Variants in HIVEP2 observed in about 807,000 individuals in gnomAD.
HIVEP2 encodes HIVEP zinc finger 2, also known as transcription factor HIVEP2.
HIVEP2 carries 14 observed loss-of-function variants against 180.7 expected under a neutral mutation model. The observed-to-expected ratio is 0.08, with a 90% CI of 0.05 to 0.12. HIVEP2 has a LOEUF of 0.12. Among genes scored for constraint, HIVEP2 ranks in the 10% least tolerant of loss-of-function variants. The pLI is 1.00. For missense variants in HIVEP2, 2,579 were observed against 3,008.5 expected (o/e 0.86, Z 3.34); for synonymous variants, 1,184 against 1,136.4 (o/e 1.04, Z -0.84).
chr6:142,763,395 G>C (rs993373134), intron 7 of HIVEP2, among the ~76,000 whole-genome samples: 1 of 152,190 alleles, frequency 6.6e-6, no homozygotes, highest in Non-Finnish European at 1.5e-5. Flanking sequence ...AAAACTGGCA[G>C]GGTTTCCCAG....
rs373421716 is a variant in HIVEP2 at position 142,771,305 on chromosome 6, G to C, written c.3434C>G (p.Pro1145Arg). 22 of 1,613,264 alleles carry C rather than the reference G, an allele frequency of 1.4e-5. No homozygotes were observed. The highest frequency in any genetic ancestry group is 1.6e-5 in the Non-Finnish European group (19 of 1,180,016). The change falls in exon 5 of 10, where the codon CCG becomes CGG. Residue 1145 changes from proline (P) to arginine (R), a missense_variant. Pro to Arg is a moderately radical substitution (Grantham distance 103, BLOSUM62 -2). Transcript: ENST00000367603. The surrounding 1 kb of genome is among the most constrained non-coding windows in gnomAD (Gnocchi z 5.4). ...PGKQVAGPCP[P>R]LSSGPLHLAQ... is the part of the protein sequence containing the mutation. Reference sequence around the variant, plus strand: ...CAGGTGCAGTGGCCCCGAGCTCAGCGGGGGACAAGGACCCGCCACCTGCTT... The same window carrying C: ...CAGGTGCAGTGGCCCCGAGCTCAGCCGGGGACAAGGACCCGCCACCTGCTT...
At chr6:142,887,497 A>G (rs929794900) in intron 1 of HIVEP2, among the ~76,000 whole-genome samples, 1 of 152,202 alleles carries the variant, frequency 6.6e-6, no homozygotes, top group Non-Finnish European at 1.5e-5. Context: ...GGATCCTCAG[A>G]TAATTTTAAA....
intron 2 of HIVEP2, among the ~76,000 whole-genome samples, chr6:142,806,342 C>A (rs190722771): frequency 6.6e-6 from 1 of 152,294 alleles, no homozygotes. Flanking sequence ...GGTATCCAGG[C>A]TGCTCTGCCT....
In HIVEP2 at chr6:142,768,388, T is replaced by G; in HGVS notation, c.5336A>C (p.Glu1779Ala). ...TTGCACTTTGTTTCCTTACCCTCCT[T>G]CAAATATTTTAATTCGGATTGGCTC... ...QTEPIRIKIF[E>A]GGYKSNEDYV... Residue 1779 changes from glutamate to alanine, a missense_variant, in exon 6 of 10, where the codon GAA becomes GCA. This residue lies in a region of HIVEP2 where 349 missense variants were observed against 367.2 expected (regional missense o/e 0.95). Transcript: ENST00000367603. The G allele has an allele frequency of 6.2e-7, 1 of 1,610,558 alleles. No individual in the cohort carries two copies. The highest frequency in any genetic ancestry group is 1.1e-5 in the South Asian group (1 of 90,592).
chr6:142,755,039 G>GT lies in HIVEP2; in HGVS notation c.6517-1109dup, dbSNP rs35220008. On this transcript the variant is annotated intron_variant, in intron 9 of 9. Transcript: ENST00000367603. ...AGATATAAACCCATACAGTATGGTA[G>GT]TAGTCCAGGATAGAGCCAAAGAAAC... Among the ~76,000 whole-genome samples, 1,112 of 152,288 alleles carry GT rather than the reference G, an allele frequency of 7.3e-3. 18 individuals are homozygous for GT. Among genetic ancestry groups the GT allele is most frequent in the African/African-American group, 0.026 (1,062 of 41,558 alleles).
chr6:142,794,499 G>A (rs491414), intron 2 of HIVEP2, among the ~76,000 whole-genome samples: 87,956 of 151,970 alleles, frequency 0.58, 26,869 homozygotes, highest in Non-Finnish European at 0.68. Context: ...AAGAGCTTTC[G>A]TAAATATAAC....
chr6:142,923,573 G>T (rs1418989558), intron 1 of HIVEP2, among the ~76,000 whole-genome samples: 1 of 152,042 alleles, frequency 6.6e-6, no homozygotes, highest in South Asian at 2.1e-4. Context: ...TGATATATTG[G>T]ATGGATCCCA....
intron 2 of HIVEP2, among the ~76,000 whole-genome samples, chr6:142,793,633 T>TTTCC (rs1776196671): frequency 2.6e-5 from 1 of 38,292 alleles, no homozygotes; most frequent in Non-Finnish European, 4.9e-5. Flanking sequence ...TCTTTCTTTC[T>TTTCC]TTCTTTCTTT....
In HIVEP2 at chr6:142,771,320, G is replaced by A. The variant is rs145294660; in HGVS notation, c.3419C>T (p.Ala1140Val). 38 of 1,613,160 alleles carry A rather than the reference G, an allele frequency of 2.4e-5. No individual in the cohort carries two copies. The highest frequency in any genetic ancestry group is 1.3e-4 in the African/African-American group (10 of 75,054). The change falls in exon 5 of 10, where the codon GCG becomes GTG. Residue 1140 changes from alanine to valine, a missense_variant. Physicochemically the swap from Ala to Val is moderately conservative, Grantham distance 64. Around this residue, in one of 11 missense-constraint regions of HIVEP2, gnomAD observed 523 missense variants for 577.0 expected, o/e 0.91. Transcript: ENST00000367603. This position sits in a 1 kb window ranked among gnomAD's most constrained non-coding sequence, Gnocchi z 5.4. ...CGAGCTCAGCGGGGGACAAGGACCC[G>A]CCACCTGCTTCCCTGGGTCCTCTTG... ...LQQEDPGKQVAGPCPPLSSGP... is the reference protein window; with the variant it reads ...LQQEDPGKQVVGPCPPLSSGP...
chr6:142,756,202 A>T (rs1192398571), intron 9 of HIVEP2, among the ~76,000 whole-genome samples: 1 of 152,196 alleles, frequency 6.6e-6, no homozygotes, highest in African/African-American at 2.4e-5. Context: ...TCTCTTCAAC[A>T]GTATGGCAGT....
At chr6:142,832,564 T>A (rs140438307) in intron 2 of HIVEP2, among the ~76,000 whole-genome samples, 1 of 152,136 alleles carries the variant, frequency 6.6e-6, no homozygotes, top group African/African-American at 2.4e-5. Context: ...ATAGATGAGG[T>A]AGAAAATGCG....
In HIVEP2 at chr6:142,771,913, C is replaced by T; in HGVS notation, c.2826G>A (p.Leu942=). The change falls in exon 5 of 10, where the codon CTG becomes CTA. Residue 942 remains leucine (L), a synonymous_variant. Coordinates refer to ENST00000367603, the MANE Select transcript of HIVEP2 (RefSeq NM_006734.4). This position sits in a 1 kb window ranked among gnomAD's most constrained non-coding sequence, Gnocchi z 5.4. ...AGGAGTGCTCCATATCTGCAAGTCG[C>T]AGACGCTTCTTTTTGGGTGGCAACT... ...AEKLPPKKKR[L]RLADMEHSSG... is the part of the protein sequence containing the mutation. The T allele has an allele frequency of 1.2e-6, 2 of 1,614,224 alleles. No homozygotes were observed. Among genetic ancestry groups the T allele is most frequent in the Non-Finnish European group, 1.7e-6 (2 of 1,180,046 alleles).
chr6:142,755,211 G>C (rs1285999486), intron 9 of HIVEP2, among the ~76,000 whole-genome samples: 1 of 152,138 alleles, frequency 6.6e-6, no homozygotes, highest in Non-Finnish European at 1.5e-5. Context: ...TATGCAAGCT[G>C]GAAACATGGA....
At position 142,774,673 on chromosome 6, in the gene HIVEP2, T is replaced by C; in HGVS notation, c.66A>G (p.Ala22=). The part of the protein sequence containing the change: ...ATSRSGETDK[A]SGRWRQEQSA... ...ATTGTTCCTGTCTCCATCTACCTGATGCTTTATCAGTTTCTCCAGACCTTG... is the reference window on the plus strand; with the variant it reads ...ATTGTTCCTGTCTCCATCTACCTGACGCTTTATCAGTTTCTCCAGACCTTG... The change falls in exon 5 of 10, where the codon GCA becomes GCG. Residue 22 remains alanine (A), a synonymous_variant. Transcript: ENST00000367603. This position sits in a 1 kb window ranked among gnomAD's most constrained non-coding sequence, Gnocchi z 5.1. 1 of 1,614,232 alleles carries C rather than the reference T, an allele frequency of 6.2e-7. No homozygotes were observed. Among genetic ancestry groups the C allele is most frequent in the South Asian group, 1.1e-5 (1 of 91,084 alleles).
intron 2 of HIVEP2, among the ~76,000 whole-genome samples, chr6:142,807,970 T>C (rs1434973077): frequency 1.3e-5 from 2 of 152,168 alleles, no homozygotes; most frequent in Non-Finnish European, 2.9e-5. Flanking sequence ...GTCTTACTGC[T>C]CTCCTGCTCA....
chr6:142,858,626 TC>T (rs1775890055), intron 1 of HIVEP2, among the ~76,000 whole-genome samples: 1 of 152,102 alleles, frequency 6.6e-6, no homozygotes, highest in Non-Finnish European at 1.5e-5. Context: ...AGTTTCACTC[TC>T]GTTGCCCAGG....
chr6:142,923,141 TG>T (rs1239828497), intron 1 of HIVEP2, among the ~76,000 whole-genome samples: 1 of 152,150 alleles, frequency 6.6e-6, no homozygotes, highest in Non-Finnish European at 1.5e-5. Context: ...AAGACCAGCC[TG>T]GCCAAGATGG....
intron 1 of HIVEP2, among the ~76,000 whole-genome samples, chr6:142,837,950 T>C (rs1213889101): frequency 2.6e-5 from 4 of 152,076 alleles, no homozygotes; most frequent in African/African-American, 9.7e-5. Context: ...CATATTCAAG[T>C]GAAAGTTCAA....
intron 2 of HIVEP2, among the ~76,000 whole-genome samples, chr6:142,804,260 T>C (rs1562241586): frequency 6.6e-6 from 1 of 152,152 alleles, no homozygotes; most frequent in Non-Finnish European, 1.5e-5. Flanking sequence ...CCACTCAATT[T>C]CAGAAAATGT....
Sources: allele counts gnomAD v4.1 joint callset (sites outside exome capture counted in the v4.1 genomes callset), GRCh38; gene constraint gnomAD v4.1.1; regional missense constraint gnomAD v4.1.1; non-coding constraint Gnocchi (gnomAD v3.1); transcripts MANE v1.5; gene names NCBI Gene and HGNC (gene_info 2026-07-23, HGNC 2026-07-21).